The following CPNE8 variants were observed in gnomAD, a reference collection of about 807,000 sequenced individuals.
CPNE8 encodes copine 8.
A neutral mutation model predicts 81.5 loss-of-function variants in CPNE8; 45 were observed. The ratio of observed to expected loss-of-function variants is 0.55; its 90% CI spans 0.44 to 0.71. The LOEUF is 0.71. CPNE8 is among the 30% of genes least tolerant of loss of function. The probability of loss-of-function intolerance (pLI) is 0.00; values close to 1 mark genes in which losing one functional copy is unlikely to be tolerated. For missense variants in CPNE8, 594 were observed against 672.1 expected (o/e 0.88, Z 1.28); for synonymous variants, 252 against 226.3 (o/e 1.11, Z -1.02).
intron 19 of CPNE8, among the ~76,000 whole-genome samples, chr12:38,654,558 T>C (rs892946423): frequency 1.5e-4 from 22 of 149,784 alleles, no homozygotes; most frequent in Admixed American, 4.0e-4. Flanking sequence ...CAAATAGCTA[T>C]AAGTGACTAA....
chr12:38,770,010 A>G (rs1328253841), intron 7 of CPNE8, among the ~76,000 whole-genome samples: 1 of 152,152 alleles, frequency 6.6e-6, no homozygotes, highest in Non-Finnish European at 1.5e-5. Context: ...AAAAGTATTT[A>G]TATACTTTTA....
chr12:38,905,500 C>A lies in CPNE8; in HGVS notation c.35G>T (p.Gly12Val), dbSNP rs778133973. Residue 12 changes from glycine to valine, a missense_variant, in exon 1 of 20, where the codon GGG (glycine) becomes GTG (valine). Gly to Val is a moderately radical substitution (Grantham distance 109). Coordinates refer to ENST00000331366, the MANE Select transcript of CPNE8 (RefSeq NM_153634.3). ...DSRYNSTAGI[G>V]DLNQLSAAIP... is the part of the protein sequence containing the mutation. ...GGCAGCGCTCAGCTGGTTCAAGTCC[C>A]CGATGCCCGCAGTGCTGTTGTAGCG... The A allele has an allele frequency of 1.3e-6, 2 of 1,573,804 alleles. No individual in the cohort carries two copies. Among genetic ancestry groups the A allele is most frequent in the East Asian group, 2.3e-5 (1 of 43,130 alleles).
At chr12:38,879,686 C>A (rs1287599877) in intron 1 of CPNE8, among the ~76,000 whole-genome samples, 2 of 151,944 alleles carry the variant, frequency 1.3e-5, no homozygotes, top group African/African-American at 4.8e-5. Context: ...AAAAGGGAAA[C>A]AAATATCATT....
intron 6 of CPNE8, among the ~76,000 whole-genome samples, chr12:38,796,427 T>C (rs562780700): frequency 4.1e-4 from 63 of 152,198 alleles, no homozygotes; most frequent in Non-Finnish European, 7.5e-4. Flanking sequence ...AGATTGATGA[T>C]TTCACATTAA....
chr12:38,869,615 T>C (rs1397088452), intron 3 of CPNE8, among the ~76,000 whole-genome samples: 2 of 152,212 alleles, frequency 1.3e-5, no homozygotes, highest in East Asian at 1.9e-4. Context: ...TGTTCCAAAA[T>C]GCTTGTCTCT....
At chr12:38,790,131 C>A (rs1172798608) in intron 6 of CPNE8, among the ~76,000 whole-genome samples, 1 of 151,694 alleles carries the variant, frequency 6.6e-6, no homozygotes, top group Non-Finnish European at 1.5e-5. Flanking sequence ...GAAATGAAAT[C>A]AGTATATCAA....
chr12:38,676,355 G>A (rs1002178795), intron 17 of CPNE8: 2 of 964,414 alleles, frequency 2.1e-6, no homozygotes, highest in Non-Finnish European at 2.5e-6. Flanking sequence ...AGAAGGTAAG[G>A]AGCATCTACT....
chr12:38,670,715 G>C lies in CPNE8; in HGVS notation c.1506+14C>G, dbSNP rs377371272. The C allele has an allele frequency of 6.4e-7, 1 of 1,571,424 alleles. No homozygotes were observed. The highest frequency in any genetic ancestry group is 1.1e-5 in the South Asian group (1 of 87,826). On this transcript the variant is annotated intron_variant, in intron 19 of 19. Coordinates refer to ENST00000331366, the MANE Select transcript of CPNE8 (RefSeq NM_153634.3). ...TTCTAGCAATAGTAAAGTAGGAAAA[G>C]GTTTATTTCTTACCTGCACAATGTC...
chr12:38,866,015 A>G (rs964861981), intron 3 of CPNE8, among the ~76,000 whole-genome samples: 1 of 152,200 alleles, frequency 6.6e-6, no homozygotes, highest in Non-Finnish European at 1.5e-5. Context: ...AAAGATTCCA[A>G]TGCCAGTCTG....
chr12:38,782,426 T>C lies in CPNE8; in HGVS notation c.408-6125A>G, dbSNP rs150116132. Among the ~76,000 whole-genome samples, 64 of 152,252 alleles carry C rather than the reference T, an allele frequency of 4.2e-4. No individual in the cohort carries two copies. The East Asian group carries it at 6.9e-3, about 17-fold the overall frequency. ...TTAGATAATATGTATCATTGTGAAG[T>C]TTCCTGATTTTGATCATCATATTGT... On this transcript the variant is annotated intron_variant, in intron 6 of 19. Coordinates refer to ENST00000331366, the MANE Select transcript of CPNE8 (RefSeq NM_153634.3).
chr12:38,847,603 CA>C (rs1458646283), intron 4 of CPNE8, among the ~76,000 whole-genome samples: 2 of 152,048 alleles, frequency 1.3e-5, no homozygotes. Flanking sequence ...GACGAATACT[CA>C]ACATTCCTGA....
chr12:38,744,371 T>C (rs568909741), intron 10 of CPNE8, among the ~76,000 whole-genome samples: 4 of 152,308 alleles, frequency 2.6e-5, no homozygotes, highest in African/African-American at 7.2e-5. Flanking sequence ...GAAAAGCTAA[T>C]ATTAGAATTT....
At chr12:38,687,804 C>T (rs1939567467) in intron 15 of CPNE8, among the ~76,000 whole-genome samples, 2 of 152,204 alleles carry the variant, frequency 1.3e-5, no homozygotes, top group Admixed American at 1.3e-4. Context: ...TTAATTTTGT[C>T]TTTTCTTCAA....
intron 19 of CPNE8, among the ~76,000 whole-genome samples, chr12:38,663,778 G>A (rs1281334083): frequency 6.6e-6 from 1 of 152,080 alleles, no homozygotes; most frequent in African/African-American, 2.4e-5. Context: ...TGCACACAAT[G>A]AAATACTATT....
At chr12:38,706,954 C>T (rs1940121700) in intron 13 of CPNE8, among the ~76,000 whole-genome samples, 2 of 152,246 alleles carry the variant, frequency 1.3e-5, no homozygotes, top group African/African-American at 4.8e-5. Context: ...CAAAGTTGTC[C>T]CTACCAAAGC....
intron 18 of CPNE8, among the ~76,000 whole-genome samples, chr12:38,675,295 C>T (rs1310061254): frequency 6.6e-6 from 1 of 152,158 alleles, no homozygotes; most frequent in Non-Finnish European, 1.5e-5. Context: ...CTTATGTTAA[C>T]ATTTCTTTTC....
At chr12:38,730,466 A>G in intron 10 of CPNE8, 108 bp from the exon 11 acceptor site, 1 of 530,688 alleles carries the variant, frequency 1.9e-6, no homozygotes, top group Non-Finnish European at 3.3e-6. Flanking sequence ...GCTTGATATT[A>G]TTATGAATAT....
At chr12:38,906,749 G>T (rs1944577703), upstream of CPNE8, 1 of 340,970 alleles carries the variant, frequency 2.9e-6, no homozygotes, top group Non-Finnish European at 4.1e-6. Context: ...CTTCCCTCCT[G>T]CCTCACCCGA....
At chr12:38,740,153 A>T (rs966460731) in intron 10 of CPNE8, among the ~76,000 whole-genome samples, 2 of 152,080 alleles carry the variant, frequency 1.3e-5, no homozygotes, top group East Asian at 1.9e-4. Flanking sequence ...TTATTCTCTT[A>T]GAAGCAATTG....
Sources: allele counts gnomAD v4.1 joint callset (sites outside exome capture counted in the v4.1 genomes callset), GRCh38; gene constraint gnomAD v4.1.1; transcripts MANE v1.5; gene names NCBI Gene and HGNC (gene_info 2026-07-23, HGNC 2026-07-21).